Variants in SH3PXD2A observed in about 807,000 individuals in gnomAD.
The protein encoded by SH3PXD2A is SH3 and PX domains 2A.
SH3PXD2A carries 32 observed loss-of-function variants against 115.2 expected under a neutral mutation model. That is an observed-to-expected ratio of 0.28 (90% CI 0.21 to 0.37). The LOEUF is 0.37. SH3PXD2A is among the 10% of genes least tolerant of loss of function. The probability of loss-of-function intolerance (pLI) is 1.00; values close to 1 mark genes in which losing one functional copy is unlikely to be tolerated. For missense variants in SH3PXD2A, 1,328 were observed against 1,498.7 expected (o/e 0.89, Z 1.88); for synonymous variants, 610 against 629.1 (o/e 0.97, Z 0.45).
intron 8 of SH3PXD2A, among the ~76,000 whole-genome samples, chr10:103,648,976 G>A (rs1384269456): frequency 6.6e-6 from 1 of 152,208 alleles, no homozygotes; most frequent in East Asian, 1.9e-4. Flanking sequence ...AGGTGTTCAG[G>A]AGTCCACGAT....
intron 12 of SH3PXD2A, among the ~76,000 whole-genome samples, chr10:103,611,869 T>G (rs2036434435): frequency 6.6e-6 from 1 of 152,236 alleles, no homozygotes; most frequent in Non-Finnish European, 1.5e-5. Context: ...TCTAAAATTA[T>G]GTGCACTTTT....
chr10:103,769,190 G>A (rs1017605905), intron 2 of SH3PXD2A, among the ~76,000 whole-genome samples: 4 of 149,224 alleles, frequency 2.7e-5, no homozygotes, highest in African/African-American at 5.1e-5. Flanking sequence ...GTGCGCGCGC[G>A]CGCGCATTTA....
In SH3PXD2A at chr10:103,627,640, CGGTCAACGGTTGCCTTTTCCCCATCGCG is replaced by C. The variant is rs1564847962; in HGVS notation, c.605-466_605-439del. ...TAAGTGCCTCACAGACAGTCTCTAA[CGGTCAACGGTTGCCTTTTCCCCATCGCG>C]GGTCAGCGGTACCTTCGCATTGGTG... On this transcript the variant is annotated intron_variant, in intron 8 of 14. Transcript: ENST00000369774. The surrounding 1 kb of genome is among the most constrained non-coding windows in gnomAD (Gnocchi z 4.4). Among the ~76,000 whole-genome samples the C allele has an allele frequency of 6.6e-6, 1 of 152,224 alleles. No homozygotes were observed. Among genetic ancestry groups the C allele is most frequent in the African/African-American group, 2.4e-5 (1 of 41,462 alleles).
At chr10:103,725,950 C>G (rs941380749) in intron 4 of SH3PXD2A, among the ~76,000 whole-genome samples, 1 of 152,152 alleles carries the variant, frequency 6.6e-6, no homozygotes, top group Non-Finnish European at 1.5e-5. Flanking sequence ...CTGACCTGGC[C>G]CAGTCCGACA....
At chr10:103,796,800 A>AGAT (rs2134258704) in intron 2 of SH3PXD2A, among the ~76,000 whole-genome samples, 1 of 152,232 alleles carries the variant, frequency 6.6e-6, no homozygotes, top group Non-Finnish European at 1.5e-5. Flanking sequence ...TTTGAATTTC[A>AGAT]GATAAACGAC....
intron 13 of SH3PXD2A, among the ~76,000 whole-genome samples, chr10:103,610,431 G>A (rs749694124): frequency 7.9e-5 from 12 of 152,226 alleles, no homozygotes; most frequent in Non-Finnish European, 8.8e-5. Flanking sequence ...TGGTTGAGAG[G>A]GAGAATTCAG....
chr10:103,747,401 C>T (rs1236225195), intron 3 of SH3PXD2A, among the ~76,000 whole-genome samples: 1 of 152,146 alleles, frequency 6.6e-6, no homozygotes, highest in African/African-American at 2.4e-5. Flanking sequence ...AATAAAGGGC[C>T]CCATTCAGCC....
intron 9 of SH3PXD2A, among the ~76,000 whole-genome samples, chr10:103,625,394 A>C (rs901597380): frequency 3.9e-5 from 6 of 152,248 alleles, no homozygotes; most frequent in Non-Finnish European, 8.8e-5. Flanking sequence ...GCACAGCAGA[A>C]AGGACCAAGG....
intron 4 of SH3PXD2A, among the ~76,000 whole-genome samples, chr10:103,726,265 C>T (rs1217516635): frequency 2.6e-5 from 4 of 152,172 alleles, no homozygotes; most frequent in African/African-American, 9.7e-5. Flanking sequence ...TCACACACCA[C>T]GACCAGCTTC....
intron 4 of SH3PXD2A, among the ~76,000 whole-genome samples, chr10:103,725,106 A>T (rs550100857): frequency 1.1e-4 from 16 of 152,358 alleles, no homozygotes; most frequent in African/African-American, 3.6e-4. Context: ...ATGGGGAGCC[A>T]GTGTTTCAGG....
At chr10:103,677,451 C>T (rs1049489750) in intron 6 of SH3PXD2A, among the ~76,000 whole-genome samples, 1 of 152,168 alleles carries the variant, frequency 6.6e-6, no homozygotes, top group African/African-American at 2.4e-5. Flanking sequence ...CTCACGGAGC[C>T]TCAGGGACAT....
intron 7 of SH3PXD2A, among the ~76,000 whole-genome samples, chr10:103,667,374 C>T (rs1408059323): frequency 6.6e-6 from 1 of 152,230 alleles, no homozygotes; most frequent in Non-Finnish European, 1.5e-5. Context: ...ACTGGTTCCT[C>T]CCAGGCTGGA....
rs2036198592 is a variant in SH3PXD2A at position 103,600,423 on chromosome 10, G to A, written c.*1393C>T. On this transcript the variant is annotated 3_prime_UTR_variant, in exon 15 of 15. Transcript: ENST00000369774. Reference sequence around the variant, plus strand: ...TTGGGCACCTGTGGCATTGCCAGCAGGCCAGAGGGGGTGGCTGGCGGTGTT... The same window carrying A: ...TTGGGCACCTGTGGCATTGCCAGCAAGCCAGAGGGGGTGGCTGGCGGTGTT... 6.6e-6 allele frequency: 1 copy of A among 152,242 alleles called. No individual in the cohort carries two copies. The highest frequency in any genetic ancestry group is 1.5e-5 in the Non-Finnish European group (1 of 68,044). The allele number at this position is 152,242 out of a possible 1,614,324, so 9.4% of individuals were successfully genotyped here.
At chr10:103,774,710 C>T (rs141688017) in intron 2 of SH3PXD2A, among the ~76,000 whole-genome samples, 107 of 152,264 alleles carry the variant, frequency 7.0e-4, no homozygotes, top group African/African-American at 1.9e-3. Context: ...CTCAAACTTA[C>T]GTAGGCAGAG....
At chr10:103,693,300 C>T in intron 5 of SH3PXD2A, 1 of 149,896 alleles carries the variant, frequency 6.7e-6, no homozygotes, top group African/African-American at 2.4e-5. Context: ...CCCGCCCCGC[C>T]CCGCCCCAGC....
At chr10:103,668,802 C>G in intron 6 of SH3PXD2A, 150 bp from the exon 7 acceptor site, 1 of 725,464 alleles carries the variant, frequency 1.4e-6, no homozygotes, top group Admixed American at 2.1e-5. Context: ...GAGTGATTTC[C>G]TGGCCCTGGG....
At chr10:103,742,627 G>A (rs1250631412) in intron 3 of SH3PXD2A, among the ~76,000 whole-genome samples, 4 of 152,198 alleles carry the variant, frequency 2.6e-5, no homozygotes, top group Non-Finnish European at 4.4e-5. Context: ...ATCCCTAAGC[G>A]GATTTCAGTG....
chr10:103,721,053 G>A (rs954835886), intron 5 of SH3PXD2A, among the ~76,000 whole-genome samples: 2 of 152,356 alleles, frequency 1.3e-5, no homozygotes, highest in Non-Finnish European at 1.5e-5. Context: ...ACCACCTCAA[G>A]AAAGAGGCAG....
At chr10:103,845,982 T>G (rs1842844751) in intron 1 of SH3PXD2A, among the ~76,000 whole-genome samples, 1 of 152,248 alleles carries the variant, frequency 6.6e-6, no homozygotes, top group African/African-American at 2.4e-5. Context: ...CCTGACTCCC[T>G]GAAGTTGTGG....
Sources: allele counts gnomAD v4.1 joint callset (sites outside exome capture counted in the v4.1 genomes callset), GRCh38; gene constraint gnomAD v4.1.1; non-coding constraint Gnocchi (gnomAD v3.1); transcripts MANE v1.5; gene names NCBI Gene and HGNC (gene_info 2026-07-23, HGNC 2026-07-21).